The following SLCO3A1 variants were observed in gnomAD, a reference collection of about 807,000 sequenced individuals.
SLCO3A1 encodes solute carrier organic anion transporter family member 3A1, also known as PGE1 transporter.
Under a neutral mutation model 63.1 loss-of-function variants are expected in SLCO3A1, and 27 were observed. The ratio of observed to expected loss-of-function variants is 0.43; its 90% CI spans 0.32 to 0.59. The LOEUF (loss-of-function observed/expected upper bound fraction) is 0.59, where lower values mean the gene tolerates loss of function less well. Among genes scored for constraint, SLCO3A1 ranks in the 20% least tolerant of loss-of-function variants. SLCO3A1 has a pLI of 0.09. For missense variants in SLCO3A1, 773 were observed against 945.8 expected (o/e 0.82, Z 2.40); for synonymous variants, 473 against 409.9 (o/e 1.15, Z -1.86).
At position 91,950,050 on chromosome 15, in the gene SLCO3A1, T is replaced by C. The variant is rs2151409769; in HGVS notation, c.646+33592T>C. ...AGAAGGCAGACTGTGATGGATTCTA[T>C]ACGGAAGAGATAAATGCCCTGCTGT... On this transcript the variant is annotated intron_variant, in intron 2 of 9. Transcript: ENST00000318445. The surrounding 1 kb of genome is among the most constrained non-coding windows in gnomAD (Gnocchi z 4.4). 6.6e-6 allele frequency among the ~76,000 whole-genome samples: 1 copy of C among 152,288 alleles called. No individual in the cohort carries two copies. Among genetic ancestry groups the C allele is most frequent in the East Asian group, 1.9e-4 (1 of 5,168 alleles).
At chr15:91,896,067 C>T (rs144368504) in intron 1 of SLCO3A1, among the ~76,000 whole-genome samples, 29 of 152,310 alleles carry the variant, frequency 1.9e-4, no homozygotes, top group African/African-American at 5.3e-4. Flanking sequence ...GTTTGTGTCT[C>T]CTATTTGTTT....
At chr15:92,068,412 T>G (rs2047176992) in intron 2 of SLCO3A1, among the ~76,000 whole-genome samples, 1 of 143,266 alleles carries the variant, frequency 7.0e-6, no homozygotes, top group African/African-American at 2.5e-5. Context: ...AATCCAAACC[T>G]AATTAAGACA....
chr15:92,110,000 A>G (rs1206576018), intron 4 of SLCO3A1, among the ~76,000 whole-genome samples: 3 of 152,232 alleles, frequency 2.0e-5, no homozygotes, highest in Admixed American at 1.3e-4. Context: ...TAAATTGTTC[A>G]TAAACTGACG....
chr15:92,147,402 C>T (rs975414566), intron 8 of SLCO3A1, among the ~76,000 whole-genome samples: 1 of 151,984 alleles, frequency 6.6e-6, no homozygotes, highest in African/African-American at 2.4e-5. Context: ...AGAAATAGAG[C>T]CTGCAGGCAG....
chr15:92,133,956 A>T (rs1287619599), intron 7 of SLCO3A1, among the ~76,000 whole-genome samples: 3 of 152,238 alleles, frequency 2.0e-5, no homozygotes, highest in African/African-American at 4.8e-5. Flanking sequence ...CAGCACAGGA[A>T]ACAAACAGCG....
intron 2 of SLCO3A1, among the ~76,000 whole-genome samples, chr15:92,081,616 C>T (rs747991330): frequency 4.6e-5 from 7 of 152,212 alleles, no homozygotes; most frequent in Non-Finnish European, 7.3e-5. Flanking sequence ...GATCTGCCCA[C>T]CTCGGCCTCC....
intron 4 of SLCO3A1, among the ~76,000 whole-genome samples, chr15:92,113,891 A>G (rs1438985405): frequency 2.6e-5 from 4 of 152,236 alleles, no homozygotes; most frequent in Non-Finnish European, 5.9e-5. Flanking sequence ...TTGAGTCAAC[A>G]TCACCTGTGG....
chr15:92,101,915 A>G (rs2151543598), intron 3 of SLCO3A1, among the ~76,000 whole-genome samples: 1 of 152,266 alleles, frequency 6.6e-6, no homozygotes, highest in South Asian at 2.1e-4. Context: ...ACATACCTAC[A>G]GGAAGCAAGT....
At chr15:92,031,136 T>G (rs1320126811) in intron 2 of SLCO3A1, among the ~76,000 whole-genome samples, 1 of 152,092 alleles carries the variant, frequency 6.6e-6, no homozygotes, top group African/African-American at 2.4e-5. Flanking sequence ...AAGGCTTTAT[T>G]TAGTGGTTCC....
intron 2 of SLCO3A1, among the ~76,000 whole-genome samples, chr15:91,979,292 C>T (rs989484126): frequency 6.6e-6 from 1 of 152,128 alleles, no homozygotes; most frequent in African/African-American, 2.4e-5. Context: ...TCATATACAC[C>T]TTATGCACAT....
chr15:92,059,023 T>C (rs1043723463), intron 2 of SLCO3A1, among the ~76,000 whole-genome samples: 1 of 152,202 alleles, frequency 6.6e-6, no homozygotes, highest in Non-Finnish European at 1.5e-5. Flanking sequence ...CACTCACAAG[T>C]GCTGGCGTCA....
chr15:91,996,404 AT>A (rs553208924), intron 2 of SLCO3A1, among the ~76,000 whole-genome samples: 62 of 150,750 alleles, frequency 4.1e-4, no homozygotes, highest in Non-Finnish European at 8.6e-4. Flanking sequence ...TATCATAAAC[AT>A]TTTTTTTTGC....
chr15:91,893,491 C>T (rs1364681459), intron 1 of SLCO3A1, among the ~76,000 whole-genome samples: 1 of 152,144 alleles, frequency 6.6e-6, no homozygotes, highest in East Asian at 1.9e-4. Flanking sequence ...GTGTCCTCAC[C>T]AGGCCAAAGG....
At chr15:92,100,410 C>T (rs1000962283) in intron 3 of SLCO3A1, among the ~76,000 whole-genome samples, 3 of 152,226 alleles carry the variant, frequency 2.0e-5, no homozygotes, top group African/African-American at 7.2e-5. Flanking sequence ...GGGATACTGT[C>T]TCTACCTCAT....
intron 2 of SLCO3A1, among the ~76,000 whole-genome samples, chr15:91,933,942 A>C (rs1339124656): frequency 6.6e-6 from 1 of 152,154 alleles, no homozygotes; most frequent in Non-Finnish European, 1.5e-5. Flanking sequence ...CTGAATACTC[A>C]CGTGCCCTGT....
Position 92,008,943 on chromosome 15 carries a change from T to C in SLCO3A1, c.647-85938T>C, listed in dbSNP as rs572585174. Among the ~76,000 whole-genome samples, 62 of 152,296 alleles carry C rather than the reference T, an allele frequency of 4.1e-4. No individual in the cohort carries two copies. In the East Asian group the frequency reaches 9.4e-3, roughly 23 times the overall value. The stretch of plus-strand genomic sequence containing the variant: ...GCTAGGAAACTCTATTTGAAGAGAT[T>C]TTATGGATTTCTGATGTGTAAAATG... On this transcript the variant is annotated intron_variant, in intron 2 of 9. Coordinates refer to ENST00000318445, the MANE Select transcript of SLCO3A1 (RefSeq NM_013272.4).
At position 92,047,484 on chromosome 15, in the gene SLCO3A1, TATATATATAA is replaced by T. The variant is rs1232998417; in HGVS notation, c.647-47373_647-47364del. On this transcript the variant is annotated intron_variant, in intron 2 of 9. Transcript: ENST00000318445. ...TATATAATATATAAATATATATAAA[TATATATATAA>T]ATATATATAAATATATATAAATACA... 2.1e-3 allele frequency among the ~76,000 whole-genome samples: 30 copies of T among 14,526 alleles called. 8 individuals are homozygous for T. The highest frequency in any genetic ancestry group is 5.9e-3 in the African/African-American group (29 of 4,946). 9.5% of individuals were successfully genotyped at this position (14,526 alleles called of 152,430 possible).
intron 7 of SLCO3A1, 60 bp downstream of exon 7, chr15:92,128,549 C>G: frequency 6.7e-7 from 1 of 1,493,698 alleles, no homozygotes; most frequent in Non-Finnish European, 9.0e-7. Context: ...GGCTTAAAAC[C>G]CAAGTTTTTG....
At chr15:91,989,469 G>T (rs1248614782) in intron 2 of SLCO3A1, among the ~76,000 whole-genome samples, 2 of 152,180 alleles carry the variant, frequency 1.3e-5, no homozygotes, top group Non-Finnish European at 2.9e-5. Flanking sequence ...GTGATTGAAT[G>T]ATTTAGTAAA....
Sources: gnomAD v4.1 joint callset for allele counts (sites outside exome capture counted in the v4.1 genomes callset) on GRCh38, gnomAD v4.1.1 for gene constraint, Gnocchi (gnomAD v3.1) non-coding constraint, MANE v1.5 for transcripts, NCBI Gene and HGNC (gene_info 2026-07-23, HGNC 2026-07-21) for gene names.